Variants in EPHA6 observed in about 807,000 individuals in gnomAD.
EPHA6 encodes the protein EPH receptor A6.
Under a neutral mutation model 112.0 loss-of-function variants are expected in EPHA6, and 50 were observed. The observed-to-expected ratio is 0.45, with a 90% confidence interval of 0.36 to 0.56. EPHA6 has a LOEUF of 0.56. Ranked by LOEUF, EPHA6 falls within the 20% of genes least tolerant of loss-of-function variation. The pLI is 0.00. For missense variants in EPHA6, 1,280 were observed against 1,417.4 expected, an observed-to-expected ratio of 0.90 and a Z score of 1.56; for synonymous variants, 529 against 490.7, an observed-to-expected ratio of 1.08 and a Z score of -1.03.
chr3:96,987,603 A>G lies in EPHA6; in HGVS notation c.724A>G (p.Ile242Val), dbSNP rs1269855723. Residue 242 changes from isoleucine (I) to valine (V), a missense_variant, in exon 3 of 18, where the codon ATC (isoleucine) becomes GTC (valine). Around this residue, in one of 4 missense-constraint regions of EPHA6, gnomAD observed 878 missense variants for 999.7 expected, o/e 0.88. Coordinates refer to ENST00000389672, the MANE Select transcript of EPHA6 (RefSeq NM_001080448.3). ...ATTCAAGCCAAACCAGTATACAAAG[A>G]TCGACACAATTGCTGCTGATGAGAG... ...IKFKPNQYTK[I>V]DTIAADESFT... 6 of 1,613,522 alleles carry G rather than the reference A, an allele frequency of 3.7e-6. No individual in the cohort carries two copies. The highest frequency in any genetic ancestry group is 5.1e-6 in the Non-Finnish European group (6 of 1,179,500).
intron 10 of EPHA6, among the ~76,000 whole-genome samples, chr3:97,500,015 C>T (rs1264743454): frequency 6.6e-6 from 1 of 152,090 alleles, no homozygotes; most frequent in East Asian, 1.9e-4. Flanking sequence ...AGCACGAACA[C>T]ATTGTACAGC....
intron 14 of EPHA6, among the ~76,000 whole-genome samples, chr3:97,649,764 TCACA>T (rs3064341): frequency 0.037 from 5,493 of 147,998 alleles, 335 homozygotes; most frequent in African/African-American, 0.13. Context: ...AAATCACTAT[TCACA>T]CACACACACA....
intron 14 of EPHA6, among the ~76,000 whole-genome samples, chr3:97,670,289 G>A (rs547439510): frequency 2.1e-4 from 32 of 152,276 alleles, no homozygotes; most frequent in Non-Finnish European, 4.1e-4. Flanking sequence ...TCCCACAAGA[G>A]TTTGAAAATA....
chr3:97,299,447 T>G (rs1234873318), intron 5 of EPHA6, among the ~76,000 whole-genome samples: 1 of 152,026 alleles, frequency 6.6e-6, no homozygotes, highest in Non-Finnish European at 1.5e-5. Flanking sequence ...CAAAAGGAAA[T>G]AAATGTGGGA....
At chr3:97,301,161 G>A (rs1004179141) in intron 5 of EPHA6, among the ~76,000 whole-genome samples, 1 of 152,070 alleles carries the variant, frequency 6.6e-6, no homozygotes, top group Admixed American at 6.6e-5. Flanking sequence ...TCTGATCTTG[G>A]CAGGGTATTT....
chr3:97,527,752 G>A (rs189685922), intron 10 of EPHA6, among the ~76,000 whole-genome samples: 19 of 152,208 alleles, frequency 1.2e-4, no homozygotes, highest in Non-Finnish European at 2.1e-4. Flanking sequence ...GGTACTCGTC[G>A]ATACTCAGGA....
intron 3 of EPHA6, among the ~76,000 whole-genome samples, chr3:97,107,845 T>G (rs2047613072): frequency 6.6e-6 from 1 of 152,182 alleles, no homozygotes; most frequent in Admixed American, 6.6e-5. Context: ...TTCTGCATTT[T>G]ATTTCCTCAA....
intron 3 of EPHA6, among the ~76,000 whole-genome samples, chr3:97,130,161 C>A (rs980883523): frequency 2.6e-5 from 4 of 151,980 alleles, no homozygotes; most frequent in Non-Finnish European, 5.9e-5. Context: ...GTACATGGAA[C>A]TATTACTCAT....
At chr3:97,226,480 T>A in intron 4 of EPHA6, 61 bp downstream of exon 4, 1 of 1,442,344 alleles carries the variant, frequency 6.9e-7, no homozygotes, top group Non-Finnish European at 9.4e-7. Flanking sequence ...CTTTTCATTC[T>A]AAATTTAAAA....
chr3:97,450,248 G>C (rs1020015182), intron 7 of EPHA6, among the ~76,000 whole-genome samples: 1 of 151,818 alleles, frequency 6.6e-6, no homozygotes, highest in African/African-American at 2.4e-5. Flanking sequence ...TCCCCTGCCC[G>C]CTTGTCAAAC....
intron 5 of EPHA6, among the ~76,000 whole-genome samples, chr3:97,316,518 A>G (rs1456974067): frequency 6.6e-6 from 1 of 151,858 alleles, no homozygotes; most frequent in Non-Finnish European, 1.5e-5. Context: ...TATTCTGATG[A>G]TCCCCTTAAG....
chr3:97,375,447 C>A (rs2085296005), intron 5 of EPHA6, among the ~76,000 whole-genome samples: 1 of 152,102 alleles, frequency 6.6e-6, no homozygotes, highest in South Asian at 2.1e-4. Flanking sequence ...ACTGAGATGG[C>A]AAAAGCTATT....
chr3:97,728,559 A>G (rs1217816672), intron 15 of EPHA6, among the ~76,000 whole-genome samples: 1 of 152,142 alleles, frequency 6.6e-6, no homozygotes, highest in Non-Finnish European at 1.5e-5. Context: ...GGCCAAATCC[A>G]GAATTAAATT....
chr3:97,154,130 A>G (rs1048745423), intron 3 of EPHA6, among the ~76,000 whole-genome samples: 1 of 150,320 alleles, frequency 6.7e-6, no homozygotes, highest in East Asian at 2.0e-4. Flanking sequence ...ATGCCATTGC[A>G]CCCCAGCCTG....
chr3:97,291,746 T>G (rs1042402062), intron 5 of EPHA6, among the ~76,000 whole-genome samples: 1 of 152,228 alleles, frequency 6.6e-6, no homozygotes, highest in East Asian at 1.9e-4. Context: ...CTTGTTGTAT[T>G]GATCCCTTTA....
chr3:97,191,581 C>G (rs1189195576), intron 3 of EPHA6, among the ~76,000 whole-genome samples: 1 of 151,960 alleles, frequency 6.6e-6, no homozygotes, highest in Non-Finnish European at 1.5e-5. Context: ...ATTTGACTAT[C>G]TGTGTCTGGC....
chr3:97,376,711 A>G (rs1237527973), intron 5 of EPHA6, among the ~76,000 whole-genome samples: 1 of 152,190 alleles, frequency 6.6e-6, no homozygotes, highest in Non-Finnish European at 1.5e-5. Context: ...TCAGGTCATT[A>G]TTTTCTACAT....
chr3:96,951,387 A>C (rs1408379572), intron 2 of EPHA6, among the ~76,000 whole-genome samples: 1 of 152,076 alleles, frequency 6.6e-6, no homozygotes, highest in African/African-American at 2.4e-5. Context: ...ATTACTAACA[A>C]CTCAGTTATT....
chr3:97,009,208 G>A (rs1177935255), intron 3 of EPHA6, among the ~76,000 whole-genome samples: 2 of 152,074 alleles, frequency 1.3e-5, no homozygotes, highest in East Asian at 1.9e-4. Flanking sequence ...ACTACCAAGA[G>A]GAAAGGCTAA....
Sources: allele counts gnomAD v4.1 joint callset (sites outside exome capture counted in the v4.1 genomes callset), GRCh38; gene constraint gnomAD v4.1.1; regional missense constraint gnomAD v4.1.1; transcripts MANE v1.5; gene names NCBI Gene and HGNC (gene_info 2026-07-23, HGNC 2026-07-21).